The following PUDP variants were observed in gnomAD, a reference collection of about 807,000 sequenced individuals.
PUDP encodes pseudouridine-5'-phosphatase.
PUDP carries 8 observed loss-of-function variants against 9.4 expected under a neutral mutation model. That is an observed-to-expected ratio of 0.85 (90% CI 0.50 to 1.53). PUDP has a LOEUF of 1.53. Ranked by LOEUF, PUDP falls within the 40% of genes most tolerant of loss-of-function variation. The probability of loss-of-function intolerance (pLI) is 0.00; values close to 1 mark genes in which losing one functional copy is unlikely to be tolerated. For synonymous variants in PUDP, 99 were observed against 80.7 expected (o/e 1.23, Z -1.22); for missense variants, 188 against 189.7 (o/e 0.99, Z 0.05).
At chrX:7,024,890 C>A (rs372181112) in intron 1 of PUDP, among the ~76,000 whole-genome samples, 1 of 107,843 alleles carries the variant, frequency 9.3e-6, no homozygotes, top group Non-Finnish European at 1.9e-5. Context: ...TGCACCTGGC[C>A]GACATAACCT....
At chrX:6,926,922 C>CTTTTTTTT (rs61299123) in intron 3 of PUDP, among the ~76,000 whole-genome samples, 6 of 66,849 alleles carry the variant, frequency 9.0e-5, no homozygotes, top group Admixed American at 2.2e-4. Context: ...GAGACAATTC[C>CTTTTTTTT]TTTTTTTTTT....
intron 3 of PUDP, among the ~76,000 whole-genome samples, chrX:6,862,782 T>C (rs181593882): frequency 1.8e-5 from 2 of 111,343 alleles, no homozygotes; most frequent in East Asian, 5.7e-4. Flanking sequence ...TAAAACTCTA[T>C]GGCCAACATT....
chrX:6,797,351 C>T (rs1288019613), intron 3 of PUDP, among the ~76,000 whole-genome samples: 1 of 111,687 alleles, frequency 9.0e-6, no homozygotes, highest in African/African-American at 3.3e-5. Context: ...TCATACAGTC[C>T]TCTCCTACAT....
At chrX:6,931,414 A>T (rs1344147798) in intron 3 of PUDP, among the ~76,000 whole-genome samples, 2 of 111,844 alleles carry the variant, frequency 1.8e-5, no homozygotes, top group Admixed American at 1.9e-4. Flanking sequence ...GGCCTCAAGC[A>T]GTCCTTCTGC....
chrX:6,758,332 A>G (rs933706958), intron 3 of PUDP, among the ~76,000 whole-genome samples: 1 of 110,298 alleles, frequency 9.1e-6, no homozygotes, highest in Admixed American at 9.7e-5. Flanking sequence ...GCATGGTGGC[A>G]TGCACCTCTG....
chrX:6,885,054 T>C lies in PUDP; in HGVS notation c.*247+92079A>G, dbSNP rs189322565. ...TAGCAATATGGAGAAGAAGCTGACATAGATAAATCAGTGCAGAACATCTGT... is the reference window on the plus strand; with the variant it reads ...TAGCAATATGGAGAAGAAGCTGACACAGATAAATCAGTGCAGAACATCTGT... On this transcript the variant is annotated intron_variant and NMD_transcript_variant, in intron 3 of 3. Transcript: ENST00000655425. Among the ~76,000 whole-genome samples the C allele has an allele frequency of 2.1e-3, 235 of 112,123 alleles. 2 individuals are homozygous for C. The highest frequency in any genetic ancestry group is 9.2e-3 in the Middle Eastern group (2 of 218).
chrX:6,786,196 G>A (rs1216070363), intron 3 of PUDP, among the ~76,000 whole-genome samples: 2 of 111,648 alleles, frequency 1.8e-5, no homozygotes, highest in Non-Finnish European at 3.8e-5. Context: ...TCCACTAGGT[G>A]CCCAACAGAA....
intron 3 of PUDP, among the ~76,000 whole-genome samples, chrX:6,864,998 C>G (rs935353603): frequency 8.9e-6 from 1 of 111,915 alleles, no homozygotes. Context: ...ATTATTTTGT[C>G]AATCTCAGTC....
At chrX:6,801,904 G>A (rs956318712) in intron 3 of PUDP, among the ~76,000 whole-genome samples, 1 of 111,813 alleles carries the variant, frequency 8.9e-6, no homozygotes, top group Non-Finnish European at 1.9e-5. Context: ...CAGACAGCAT[G>A]ACATAAAAGG....
At chrX:6,732,397 T>G (rs770914855) in intron 3 of PUDP, among the ~76,000 whole-genome samples, 57 of 111,785 alleles carry the variant, frequency 5.1e-4, no homozygotes, top group Non-Finnish European at 9.4e-4. Flanking sequence ...TGTGGGCTTA[T>G]ATGTGCATAC....
chrX:6,760,123 A>C (rs1569093788), intron 3 of PUDP, among the ~76,000 whole-genome samples: 1 of 112,344 alleles, frequency 8.9e-6, no homozygotes, highest in African/African-American at 3.2e-5. Context: ...CAAAGTATTC[A>C]GGAGCAGAGT....
At chrX:7,111,877 G>A (rs185578871) in intron 1 of PUDP, among the ~76,000 whole-genome samples, 2 of 110,887 alleles carry the variant, frequency 1.8e-5, no homozygotes, top group Non-Finnish European at 3.8e-5. Flanking sequence ...TTTGTTAACC[G>A]TGAGTTATAG....
intron 1 of PUDP, among the ~76,000 whole-genome samples, chrX:7,011,633 T>C (rs953360358): frequency 8.9e-6 from 1 of 111,960 alleles, no homozygotes; most frequent in Non-Finnish European, 1.9e-5. Context: ...GACATGAAAA[T>C]GCCTGGGGAA....
At chrX:7,128,698 A>G (rs1469784491) in intron 1 of PUDP, among the ~76,000 whole-genome samples, 4 of 111,966 alleles carry the variant, frequency 3.6e-5, no homozygotes, top group African/African-American at 1.3e-4. Context: ...GGTTGTGTGA[A>G]TATGGGAGTG....
chrX:6,948,772 C>T (rs767885749), intron 3 of PUDP, among the ~76,000 whole-genome samples: 49 of 112,451 alleles, frequency 4.4e-4, no homozygotes, highest in Non-Finnish European at 6.8e-4. Flanking sequence ...GTCATTCCAA[C>T]ACAATGAATG....
chrX:7,092,534 T>A (rs184010070), intron 2 of PUDP, among the ~76,000 whole-genome samples: 41 of 111,906 alleles, frequency 3.7e-4, no homozygotes, highest in African/African-American at 1.3e-3. Context: ...GGTGTCTCTG[T>A]CAATAGTCTC....
At chrX:6,804,412 G>T (rs1926014547) in intron 3 of PUDP, among the ~76,000 whole-genome samples, 1 of 111,455 alleles carries the variant, frequency 9.0e-6, no homozygotes, top group Non-Finnish European at 1.9e-5. Flanking sequence ...CACAGTAGCT[G>T]AATTTCCTTA....
At chrX:6,751,140 T>A (rs111251311) in intron 3 of PUDP, among the ~76,000 whole-genome samples, 368 of 90,159 alleles carry the variant, frequency 4.1e-3, no homozygotes, top group African/African-American at 0.015. Flanking sequence ...AGAATCCGTC[T>A]AAAAAAAAGG....
intron 3 of PUDP, among the ~76,000 whole-genome samples, chrX:6,933,817 G>T (rs1009450863): frequency 1.8e-5 from 2 of 111,593 alleles, no homozygotes; most frequent in African/African-American, 3.3e-5. Context: ...ACCAAGGCTC[G>T]AGAACTAGGT....
Sources: allele counts gnomAD v4.1 joint callset (sites outside exome capture counted in the v4.1 genomes callset), GRCh38; gene constraint gnomAD v4.1.1; transcripts MANE v1.5; gene names NCBI Gene and HGNC (gene_info 2026-07-23, HGNC 2026-07-21).